The following POU3F3 variants were observed in gnomAD, a reference collection of about 807,000 sequenced individuals.
POU3F3 encodes the protein POU domain, class 3, transcription factor 3.
In POU3F3, 1 loss-of-function variant was observed where a neutral mutation model predicts 8.6. The observed-to-expected ratio is 0.12, with a 90% CI of 0.04 to 0.55. The LOEUF is 0.55. Among genes scored for constraint, POU3F3 ranks in the 20% least tolerant of loss-of-function variants. POU3F3 has a pLI of 0.91. For synonymous variants in POU3F3, 418 were observed against 327.4 expected, an observed-to-expected ratio of 1.28 and a Z score of -2.99; for missense variants, 577 against 690.7, an observed-to-expected ratio of 0.84 and a Z score of 1.84.
At chr2:104,914,196 G>A in the POU3F3 span, among the ~76,000 whole-genome samples, 1 of 152,132 alleles carries the variant, frequency 6.6e-6, no homozygotes, top group African/African-American at 2.4e-5. Flanking sequence ...CTGTTATCAC[G>A]GCTCCATCCC....
the POU3F3 span, among the ~76,000 whole-genome samples, chr2:104,914,661 C>T: frequency 2.0e-5 from 3 of 152,126 alleles, no homozygotes; most frequent in Non-Finnish European, 1.5e-5. Context: ...GGAAGACTGG[C>T]TGACTCAGAA....
chr2:104,927,154 G>A, the POU3F3 span, among the ~76,000 whole-genome samples: 1 of 152,090 alleles, frequency 6.6e-6, no homozygotes, highest in Non-Finnish European at 1.5e-5. Flanking sequence ...GAAAGGCAAG[G>A]GATCTCTCTG....
At chr2:104,881,198 GC>G in the POU3F3 span, among the ~76,000 whole-genome samples, 1 of 126,318 alleles carries the variant, frequency 7.9e-6, no homozygotes, top group Non-Finnish European at 1.7e-5. Context: ...TCTCTCTGTT[GC>G]CCAGGCTGGA....
At chr2:104,921,252 C>T in the POU3F3 span, among the ~76,000 whole-genome samples, 3 of 152,084 alleles carry the variant, frequency 2.0e-5, no homozygotes, top group African/African-American at 7.2e-5. Flanking sequence ...ACTGGATGCT[C>T]ATGTGCATGA....
chr2:104,892,464 T>C, the POU3F3 span, among the ~76,000 whole-genome samples: 1 of 152,014 alleles, frequency 6.6e-6, no homozygotes, highest in Non-Finnish European at 1.5e-5. Flanking sequence ...TATTTACTTA[T>C]GTATGTATTT....
the POU3F3 span, chr2:104,872,279 G>A: frequency 2.2e-6 from 1 of 456,660 alleles, no homozygotes; most frequent in Non-Finnish European, 4.4e-6. This position sits in a 1 kb window ranked among gnomAD's most constrained non-coding sequence, Gnocchi z 4.6. Flanking sequence ...ATACAGACAG[G>A]AAACCGGCCT....
chr2:104,853,398 G>C (rs1201016747), upstream of POU3F3: 1 of 152,372 alleles, frequency 6.6e-6, no homozygotes, highest in Non-Finnish European at 1.5e-5. Context: ...GGCTGCCGCC[G>C]GCGCGCAACG....
At position 104,856,007 on chromosome 2, in the gene POU3F3, A is replaced by C; in HGVS notation, c.497A>C (p.His166Pro). ...DDLHAGTALH[H>P]RGPPHLGPPP... Reference sequence around the variant, plus strand: ...CTGCACGCGGGCACAGCGCTGCACCACCGCGGGCCGCCGCACCTCGGACCC... The same window carrying C: ...CTGCACGCGGGCACAGCGCTGCACCCCCGCGGGCCGCCGCACCTCGGACCC... Residue 166 changes from histidine to proline, a missense_variant, in exon 1 of 1, where the codon CAC (histidine) becomes CCC (proline). Physicochemically the swap from His to Pro is moderately conservative, Grantham distance 77. Around this residue, in one of 7 missense-constraint regions of POU3F3, gnomAD observed 484 missense variants for 422.6 expected, o/e 1.15. Transcript: ENST00000361360. 3.1e-6 allele frequency: 3 copies of C among 975,476 alleles called. No individual in the cohort carries two copies. The highest frequency in any genetic ancestry group is 3.8e-5 in the African/African-American group (2 of 52,524). The allele number at this position is 975,476 out of a possible 1,614,324, so 60.4% of individuals were successfully genotyped here.
chr2:104,903,648 C>G, the POU3F3 span, among the ~76,000 whole-genome samples: 1 of 152,168 alleles, frequency 6.6e-6, no homozygotes, highest in East Asian at 1.9e-4. Flanking sequence ...GCAAATGGCA[C>G]CAGGCATATG....
At chr2:104,905,671 G>A in the POU3F3 span, among the ~76,000 whole-genome samples, 1 of 152,136 alleles carries the variant, frequency 6.6e-6, no homozygotes, top group East Asian at 1.9e-4. Context: ...AGTTTCTAAT[G>A]GCTTCCAGCG....
the POU3F3 span, among the ~76,000 whole-genome samples, chr2:104,905,961 T>C: frequency 2.6e-5 from 4 of 152,342 alleles, no homozygotes; most frequent in Admixed American, 2.6e-4. Context: ...GGGAACATAT[T>C]TGGCTGGTGA....
the POU3F3 span, among the ~76,000 whole-genome samples, chr2:104,921,735 T>C: frequency 2.0e-5 from 3 of 152,154 alleles, no homozygotes; most frequent in African/African-American, 7.2e-5. Context: ...TGGTGGCTCA[T>C]GCCTGTAATC....
the POU3F3 span, among the ~76,000 whole-genome samples, chr2:104,899,287 T>C: frequency 6.6e-6 from 1 of 152,232 alleles, no homozygotes; most frequent in Non-Finnish European, 1.5e-5. Flanking sequence ...GCATGAGTGC[T>C]GTGTGAGCCC....
downstream of POU3F3, among the ~76,000 whole-genome samples, chr2:104,862,416 G>T (rs1365122078): frequency 1.3e-5 from 2 of 152,224 alleles, no homozygotes; most frequent in Admixed American, 1.3e-4. Flanking sequence ...TCTGGACCCC[G>T]AAGCCCTAGG....
chr2:104,927,084 C>A, the POU3F3 span, among the ~76,000 whole-genome samples: 1 of 152,100 alleles, frequency 6.6e-6, no homozygotes, highest in Non-Finnish European at 1.5e-5. Flanking sequence ...GTACATGTAT[C>A]CCAGAACTTA....
chr2:104,921,283 A>C, the POU3F3 span, among the ~76,000 whole-genome samples: 2 of 152,146 alleles, frequency 1.3e-5, no homozygotes, highest in Non-Finnish European at 1.5e-5. Flanking sequence ...GTCAAAAATC[A>C]CACCAGGATT....
At chr2:104,906,172 T>C in the POU3F3 span, among the ~76,000 whole-genome samples, 1 of 152,372 alleles carries the variant, frequency 6.6e-6, no homozygotes, top group African/African-American at 2.4e-5. Flanking sequence ...TTCATTTTTT[T>C]CCTGTTGCAT....
At chr2:104,916,508 G>A in the POU3F3 span, among the ~76,000 whole-genome samples, 1 of 152,124 alleles carries the variant, frequency 6.6e-6, no homozygotes, top group Non-Finnish European at 1.5e-5. Context: ...ACACAACAAG[G>A]GCTGGAGAAT....
At chr2:104,866,066 C>A in the POU3F3 span, 1 of 152,174 alleles carries the variant, frequency 6.6e-6, no homozygotes, top group Non-Finnish European at 1.5e-5. Flanking sequence ...CTACTTTGTA[C>A]GCCTTAAAGA....
Sources: gnomAD v4.1 joint callset for allele counts (sites outside exome capture counted in the v4.1 genomes callset) on GRCh38, gnomAD v4.1.1 for gene constraint, gnomAD v4.1.1 regional missense constraint, Gnocchi (gnomAD v3.1) non-coding constraint, MANE v1.5 for transcripts, NCBI Gene and HGNC (gene_info 2026-07-23, HGNC 2026-07-21) for gene names.